Variants in COL6A6 observed in about 807,000 individuals in gnomAD.
The protein encoded by COL6A6 is collagen alpha-6(VI) chain.
Under a neutral mutation model 208.6 loss-of-function variants are expected in COL6A6, and 183 were observed. The ratio of observed to expected loss-of-function variants is 0.88; its 90% CI spans 0.78 to 0.99. The LOEUF (loss-of-function observed/expected upper bound fraction) is 0.99, where lower values mean the gene tolerates loss of function less well. Among genes scored for constraint, COL6A6 ranks in the 50% least tolerant of loss-of-function variants. COL6A6 has a pLI of 0.00. For synonymous variants in COL6A6, 973 were observed against 1,011.8 expected, an observed-to-expected ratio of 0.96 and a Z score of 0.73; for missense variants, 2,816 against 2,815.2, an observed-to-expected ratio of 1.00 and a Z score of -0.01.
intron 18 of COL6A6, among the ~76,000 whole-genome samples, chr3:130,595,884 T>C (rs1051096511): frequency 3.9e-5 from 6 of 152,162 alleles, no homozygotes; most frequent in Non-Finnish European, 7.4e-5. Flanking sequence ...AGTCAAATGG[T>C]TTTCAAAAGT....
chr3:130,667,246 T>C (rs1182923492), intron 36 of COL6A6, among the ~76,000 whole-genome samples: 1 of 152,186 alleles, frequency 6.6e-6, no homozygotes, highest in Non-Finnish European at 1.5e-5. Context: ...CAAATGTTTT[T>C]TTGTTTGTGA....
chr3:130,662,254 C>G lies in COL6A6; in HGVS notation c.6448C>G (p.Pro2150Ala), dbSNP rs373765411. 45 of 1,613,850 alleles carry G rather than the reference C, an allele frequency of 2.8e-5. No homozygotes were observed. The African/African-American group carries it at 3.1e-4, about 11-fold the overall frequency. ...GGTCCAGCTTGGCCGAATTCATAAA[C>G]CTGACCACAGTTATGGTGTGAAGTT... ...HLVQLGRIHK[P>A]DHSYGVKFVK... is the part of the protein sequence containing the mutation. Residue 2150 changes from proline (P) to alanine (A), a missense_variant, in exon 35 of 37, where the codon CCT (proline) becomes GCT (alanine). By Grantham distance (27) the Pro-to-Ala change is conservative (BLOSUM62 -1). Transcript: ENST00000358511.
intron 1 of COL6A6, among the ~76,000 whole-genome samples, chr3:130,536,139 G>C (rs930778142): frequency 6.6e-6 from 1 of 152,152 alleles, no homozygotes; most frequent in Non-Finnish European, 1.5e-5. Context: ...TTCTCCAATA[G>C]TTAGTCTTAC....
At chr3:130,644,602 T>C (rs1196470708) in intron 31 of COL6A6, among the ~76,000 whole-genome samples, 2 of 152,034 alleles carry the variant, frequency 1.3e-5, no homozygotes, top group Non-Finnish European at 2.9e-5. Context: ...TGTATGTGTG[T>C]ACATATATAT....
chr3:130,551,057 A>T (rs909671891), intron 1 of COL6A6, among the ~76,000 whole-genome samples: 1 of 151,928 alleles, frequency 6.6e-6, no homozygotes, highest in Non-Finnish European at 1.5e-5. Context: ...TGCTGGATTC[A>T]GTTTGCTAGT....
At chr3:130,570,742 T>G in intron 6 of COL6A6, 76 bp from the exon 7 acceptor site, 1 of 1,120,254 alleles carries the variant, frequency 8.9e-7, no homozygotes, top group South Asian at 1.5e-5. Context: ...CACTAGCAAT[T>G]TATAAAAAGG....
chr3:130,593,017 C>T (rs2108083741), intron 15 of COL6A6, 44 bp from the exon 16 acceptor site: 1 of 1,550,288 alleles, frequency 6.5e-7, no homozygotes, highest in Non-Finnish European at 8.9e-7. Context: ...CTTCTTTACA[C>T]ATGCACGTGA....
At chr3:130,559,234 A>G (rs934009596) in intron 1 of COL6A6, among the ~76,000 whole-genome samples, 1 of 152,260 alleles carries the variant, frequency 6.6e-6, no homozygotes, top group Non-Finnish European at 1.5e-5. Flanking sequence ...TAGTTTCTCT[A>G]AAATGAAAAG....
chr3:130,525,530 TCA>T (rs1197804289), intron 1 of COL6A6, among the ~76,000 whole-genome samples: 3 of 152,248 alleles, frequency 2.0e-5, no homozygotes, highest in African/African-American at 7.2e-5. Context: ...GAAATGGATC[TCA>T]CAAATCGTTT....
At chr3:130,612,428 C>T (rs2064386928) in intron 23 of COL6A6, among the ~76,000 whole-genome samples, 1 of 152,198 alleles carries the variant, frequency 6.6e-6, no homozygotes, top group Non-Finnish European at 1.5e-5. Flanking sequence ...TCTCTACAAC[C>T]TCACTAGCAT....
At chr3:130,560,261 G>A (rs182604106) in intron 1 of COL6A6, 73 bp from the exon 2 acceptor site, 1 of 870,280 alleles carries the variant, frequency 1.1e-6, no homozygotes, top group Non-Finnish European at 1.8e-6. Context: ...ATATAATTTT[G>A]TATGCTCTTG....
In COL6A6 at chr3:130,591,092, G is replaced by A. The variant is rs201907492; in HGVS notation, c.4270G>A (p.Ala1424Thr). The change falls in exon 13 of 37, where the codon GCT becomes ACT. Residue 1424 changes from alanine to threonine, a missense_variant and splice_region_variant. Transcript: ENST00000358511. ...SEGYLGEEGIAGERGAPGPVG... is the reference protein window; with the variant it reads ...SEGYLGEEGITGERGAPGPVG... ...AGGCTACCTGGGAGAGGAGGGAATCGCTGTAAGTCAGGGCTCTTTTTTACC... is the reference window on the plus strand; with the variant it reads ...AGGCTACCTGGGAGAGGAGGGAATCACTGTAAGTCAGGGCTCTTTTTTACC... 5.1e-6 allele frequency: 8 copies of A among 1,579,834 alleles called. No homozygotes were observed. The highest frequency in any genetic ancestry group is 3.3e-4 in the Middle Eastern group (2 of 6,020).
At chr3:130,621,440 T>G (rs567203933) in intron 23 of COL6A6, among the ~76,000 whole-genome samples, 1 of 152,338 alleles carries the variant, frequency 6.6e-6, no homozygotes, top group African/African-American at 2.4e-5. Context: ...CAAAAAATGT[T>G]TTCTACCAAA....
chr3:130,579,101 T>G (rs2063360803), intron 8 of COL6A6, among the ~76,000 whole-genome samples: 1 of 152,350 alleles, frequency 6.6e-6, no homozygotes, highest in South Asian at 2.1e-4. Context: ...AGCTAATAAC[T>G]GCCACTTTCC....
chr3:130,596,172 ACAT>A (rs1560043748), intron 18 of COL6A6, among the ~76,000 whole-genome samples: 3 of 152,242 alleles, frequency 2.0e-5, no homozygotes, highest in African/African-American at 7.2e-5. Flanking sequence ...TGACTAAGTG[ACAT>A]CTTCTGATAA....
intron 8 of COL6A6, among the ~76,000 whole-genome samples, chr3:130,576,479 G>A (rs1405287104): frequency 6.6e-6 from 1 of 152,020 alleles, no homozygotes; most frequent in African/African-American, 2.4e-5. Context: ...TGATTACCTC[G>A]GCCAAACCTT....
intron 23 of COL6A6, among the ~76,000 whole-genome samples, chr3:130,621,583 G>A (rs1199418461): frequency 1.3e-5 from 2 of 152,210 alleles, no homozygotes; most frequent in Non-Finnish European, 2.9e-5. Context: ...CACTTTGGAA[G>A]AGAAAACTCA....
Position 130,581,711 on chromosome 3 carries a change from C to A in COL6A6, c.3698C>A (p.Thr1233Lys). Residue 1233 changes from threonine (T) to lysine (K), a missense_variant, in exon 9 of 37, where the codon ACA becomes AAA. Thr to Lys is a moderately conservative substitution (Grantham distance 78). Transcript: ENST00000358511. ...AATGGAGTAAGCTGTGAGGTGGGCA[C>A]AGAGACTCAGGTCAGTGTGGCTTTT... Reference protein sequence around the residue: ...SLNGVSCEVGTETQVSVAFQV... With the variant: ...SLNGVSCEVGKETQVSVAFQV... 6.2e-7 allele frequency: 1 copy of A among 1,613,980 alleles called. No individual in the cohort carries two copies. Among genetic ancestry groups the A allele is most frequent in the Admixed American group, 1.7e-5 (1 of 60,028 alleles).
intron 1 of COL6A6, among the ~76,000 whole-genome samples, chr3:130,557,796 C>A (rs976492288): frequency 1.3e-5 from 2 of 152,282 alleles, no homozygotes; most frequent in Non-Finnish European, 2.9e-5. Flanking sequence ...TTAATAGCCC[C>A]AAGAGGTGTT....
Sources: gnomAD v4.1 joint callset for allele counts (sites outside exome capture counted in the v4.1 genomes callset) on GRCh38, gnomAD v4.1.1 for gene constraint, MANE v1.5 for transcripts, NCBI Gene and HGNC (gene_info 2026-07-23, HGNC 2026-07-21) for gene names.